Variants in EXD1 observed in about 807,000 individuals in gnomAD.
EXD1 encodes exonuclease 3'-5' domain containing 1.
In EXD1, 63 loss-of-function variants were observed where a neutral mutation model predicts 49.1. The observed-to-expected ratio is 1.28, with a 90% CI of 1.05 to 1.58. EXD1 has a LOEUF of 1.58. Among genes scored for constraint, EXD1 ranks in the 40% most tolerant of loss-of-function variants. The pLI, the probability that EXD1 is intolerant of heterozygous loss-of-function variation, is 0.00. For synonymous variants in EXD1, 234 were observed against 239.2 expected, an observed-to-expected ratio of 0.98 and a Z score of 0.20; for missense variants, 748 against 666.0, an observed-to-expected ratio of 1.12 and a Z score of -1.36.
intron 10 of EXD1, 66 bp from the exon 11 acceptor site, chr15:41,190,194 G>A (rs1334240359): frequency 6.4e-7 from 1 of 1,555,100 alleles, no homozygotes; most frequent in Admixed American, 1.7e-5. Context: ...ACTGTTTTAG[G>A]CTGGGCACAG....
chr15:41,214,904 C>T (rs147375610), intron 6 of EXD1, among the ~76,000 whole-genome samples: 86 of 152,232 alleles, frequency 5.6e-4, no homozygotes, highest in African/African-American at 2.0e-3. Flanking sequence ...TGCCAGCATG[C>T]CCGGCTATTT....
chr15:41,199,284 C>T (rs767223470), intron 7 of EXD1, among the ~76,000 whole-genome samples: 2 of 151,662 alleles, frequency 1.3e-5, no homozygotes, highest in Non-Finnish European at 2.9e-5. Flanking sequence ...GATGGGGTCT[C>T]CCTATGTTGC....
intron 10 of EXD1, 83 bp from the exon 11 acceptor site, chr15:41,190,211 A>G: frequency 7.0e-7 from 1 of 1,421,160 alleles, no homozygotes; most frequent in Non-Finnish European, 9.8e-7. Context: ...ACAGTGGCTC[A>G]TGCCTGTAAT....
Position 41,196,012 on chromosome 15 carries a change from A to G in EXD1, c.560T>C (p.Leu187Ser), listed in dbSNP as rs752860302. The change falls in exon 8 of 12, where the codon TTA becomes TCA. Residue 187 changes from leucine to serine, a missense_variant. By Grantham distance (145) the Leu-to-Ser change is moderately radical (BLOSUM62 -2). Transcript: ENST00000458580. The stretch of plus-strand genomic sequence containing the variant: ...ACTTCCCAGAAGGAAAATGTCAAAT[A>G]AGTAAACTCGGCAATTTGTGGCCAC... ...LQVATNCRVY[L>S]FDIFLLGSRA... 1 of 1,613,228 alleles carries G rather than the reference A, an allele frequency of 6.2e-7. No individual in the cohort carries two copies. The highest frequency in any genetic ancestry group is 1.7e-5 in the Admixed American group (1 of 59,854).
chr15:41,217,545 T>A (rs2047019012), intron 3 of EXD1, among the ~76,000 whole-genome samples: 1 of 150,350 alleles, frequency 6.7e-6, no homozygotes, highest in Non-Finnish European at 1.5e-5. Flanking sequence ...TTTTTTTTTT[T>A]TTTGAGATGA....
chr15:41,217,090 T>A lies in EXD1; in HGVS notation c.260+7A>T, dbSNP rs7173086. ...ATATCATAATTAAGAAAATTATTCC[T>A]TCTTACCTAACAGAAGATGCTTTTG... On this transcript the variant is annotated splice_region_variant and intron_variant, in intron 4 of 11. Coordinates refer to ENST00000458580, the MANE Select transcript of EXD1 (RefSeq NM_001286441.2). 0.44 allele frequency: 707,251 copies of A among 1,606,594 alleles called. 162,274 individuals are homozygous for A. Among genetic ancestry groups the A allele is most frequent in the African/African-American group, 0.77 (57,677 of 74,826 alleles).
At position 41,226,432 on chromosome 15, in the gene EXD1, T is replaced by C. The variant is rs1011083061; in HGVS notation, c.133+11A>G. On this transcript the variant is annotated intron_variant, in intron 2 of 11. Coordinates refer to ENST00000458580, the MANE Select transcript of EXD1 (RefSeq NM_001286441.2). ...TTAAAAGGCAGAACATTATAAGAAA[T>C]AGAACAAGACCTTTCTTCAGGACAA... 1.3e-6 allele frequency: 2 copies of C among 1,535,226 alleles called. No individual in the cohort carries two copies. The highest frequency in any genetic ancestry group is 2.7e-5 in the African/African-American group (2 of 72,998).
chr15:41,199,739 G>GATATATATCATATGATATATAATATA (rs777473507), intron 7 of EXD1, among the ~76,000 whole-genome samples: 5 of 79,378 alleles, frequency 6.3e-5, no homozygotes, highest in Non-Finnish European at 1.2e-4. Context: ...TGATATATAT[G>GATATATATCATATGATATATAATATA]TCATATATTA....
At chr15:41,194,850 T>C (rs1489359513) in intron 9 of EXD1, among the ~76,000 whole-genome samples, 2 of 152,184 alleles carry the variant, frequency 1.3e-5, no homozygotes, top group African/African-American at 2.4e-5. Context: ...TCTCTACAAA[T>C]GGCAGCAAAT....
chr15:41,195,160 G>A (rs1465618797), intron 9 of EXD1, among the ~76,000 whole-genome samples: 1 of 152,198 alleles, frequency 6.6e-6, no homozygotes, highest in East Asian at 1.9e-4. Context: ...GCTGAGGCAG[G>A]AGGATGGCTT....
At chr15:41,218,166 G>A (rs1006175127) in intron 3 of EXD1, among the ~76,000 whole-genome samples, 3 of 152,070 alleles carry the variant, frequency 2.0e-5, no homozygotes, top group Non-Finnish European at 2.9e-5. Flanking sequence ...CCAACATGGC[G>A]AAACCCTGTG....
Position 41,217,128 on chromosome 15 carries a change from C to T in EXD1, c.229G>A (p.Gly77Ser), listed in dbSNP as rs1188805822. The change falls in exon 4 of 12, where the codon GGC (glycine) becomes AGC (serine). Residue 77 changes from glycine (G) to serine (S), a missense_variant. Transcript: ENST00000458580. ...NVELLDEVEQ[G>S]SVRAKASSVS... is the part of the protein sequence containing the mutation. Reference sequence around the variant, plus strand: ...GAAGATGCTTTTGCTCTCACTGAGCCTTGTTCCACTTCATCTAGTAGTTCC... The same window carrying T: ...GAAGATGCTTTTGCTCTCACTGAGCTTTGTTCCACTTCATCTAGTAGTTCC... The T allele has an allele frequency of 1.2e-6, 2 of 1,612,320 alleles. No homozygotes were observed. The highest frequency in any genetic ancestry group is 1.7e-6 in the Non-Finnish European group (2 of 1,179,894).
At position 41,184,106 on chromosome 15, in the gene EXD1, T is replaced by C. The variant is rs1262975386; in HGVS notation, c.1544A>G (p.Glu515Gly). ...TEQLLMVENK[E>G]DLKCTKQAVS... is the part of the protein sequence containing the mutation. The stretch of plus-strand genomic sequence containing the variant: ...AGCCTGTTTTGTGCATTTTAAATCT[T>C]CCTTGTTTTCCACCATCAATAACTG... Residue 515 changes from glutamate (E) to glycine (G), a missense_variant, in exon 12 of 12, where the codon GAA becomes GGA. Transcript: ENST00000458580. The C allele has an allele frequency of 6.2e-7, 1 of 1,614,092 alleles. No individual in the cohort carries two copies. Among genetic ancestry groups the C allele is most frequent in the Non-Finnish European group, 8.5e-7 (1 of 1,180,048 alleles).
At chr15:41,186,206 T>C (rs1194776775) in intron 11 of EXD1, among the ~76,000 whole-genome samples, 1 of 152,112 alleles carries the variant, frequency 6.6e-6, no homozygotes, top group Non-Finnish European at 1.5e-5. Flanking sequence ...AAAAAGTGGC[T>C]CACGCCTGTA....
intron 10 of EXD1, among the ~76,000 whole-genome samples, chr15:41,190,565 C>G (rs1001301609): frequency 6.6e-6 from 1 of 152,210 alleles, no homozygotes; most frequent in African/African-American, 2.4e-5. Context: ...TTATTACCTT[C>G]TATTTTCACA....
chr15:41,220,274 CTTT>C (rs35333634), intron 2 of EXD1, among the ~76,000 whole-genome samples: 1 of 144,820 alleles, frequency 6.9e-6, no homozygotes, highest in Non-Finnish European at 1.5e-5. Context: ...CAGCCTGCAA[CTTT>C]TTTTTTTTTT....
rs142666778 is a variant in EXD1 at position 41,208,713 on chromosome 15, T to C, written c.534+788A>G. Among the ~76,000 whole-genome samples the C allele has an allele frequency of 6.1e-4, 93 of 152,094 alleles. 2 individuals carry two copies. The highest frequency in any genetic ancestry group is 2.2e-3 in the African/African-American group (91 of 41,512). ...GTTGCAGCGAGCCGAGATGCACCAC[T>C]GCACCCCAGCCTGGTGACAGAGCAA... On this transcript the variant is annotated intron_variant, in intron 7 of 11. Transcript: ENST00000458580.
intron 5 of EXD1, 59 bp from the exon 6 acceptor site, chr15:41,215,892 T>C (rs2140892413): frequency 6.3e-7 from 1 of 1,583,546 alleles, no homozygotes; most frequent in Non-Finnish European, 8.7e-7. Flanking sequence ...AATAGCTTTC[T>C]CAATAATTTT....
Position 41,198,490 on chromosome 15 carries a change from A to T in EXD1, c.535-2453T>A, listed in dbSNP as rs187516153. ...GAGGATCTCTTGAACCCAGGAGTTC[A>T]AGACCACCTGGAAAACTTATGGACA... On this transcript the variant is annotated intron_variant, in intron 7 of 11. Coordinates refer to ENST00000458580, the MANE Select transcript of EXD1 (RefSeq NM_001286441.2). Among the ~76,000 whole-genome samples the T allele has an allele frequency of 1.4e-3, 215 of 152,078 alleles. 2 individuals are homozygous for T. In the East Asian group the frequency reaches 0.041, roughly 29 times the overall value.
Sources: allele counts gnomAD v4.1 joint callset (sites outside exome capture counted in the v4.1 genomes callset), GRCh38; gene constraint gnomAD v4.1.1; transcripts MANE v1.5; gene names NCBI Gene and HGNC (gene_info 2026-07-23, HGNC 2026-07-21).